HELB: variants seen among roughly 807,000 people sequenced by gnomAD.
The protein encoded by HELB is DNA helicase B.
In HELB, 96 loss-of-function variants were observed where a neutral mutation model predicts 101.7. The observed-to-expected ratio is 0.94, with a 90% CI of 0.80 to 1.12. The LOEUF is 1.12. Ranked by LOEUF, HELB falls within the 50% of genes most tolerant of loss-of-function variation. The probability of loss-of-function intolerance (pLI) is 0.00; values close to 1 mark genes in which losing one functional copy is unlikely to be tolerated. For synonymous variants in HELB, 437 were observed against 459.7 expected, an observed-to-expected ratio of 0.95 and a Z score of 0.63; for missense variants, 1,210 against 1,291.9, an observed-to-expected ratio of 0.94 and a Z score of 0.97.
rs769492316 is a variant in HELB at position 66,310,590 on chromosome 12, TG to T, written c.1663del (p.Ala555ProfsTer18). 1.9e-5 allele frequency: 30 copies of T among 1,612,908 alleles called. 1 individual carries two copies. The South Asian group carries it at 3.0e-4, about 16-fold the overall frequency. On this transcript the variant is annotated frameshift_variant, in exon 4 of 13. Coordinates refer to ENST00000247815, the MANE Select transcript of HELB (RefSeq NM_001370285.1). LOFTEE classifies it high-confidence loss of function. ...TACTAAGACAGAAAACTGGTCTTCA[TG>T]CCTACACACTGTGTCAGGTAAAACC... ...GLLRQKTGLH[A>X]YTLCQVNYSF...
At chr12:66,335,576 A>G (rs2053858148) in intron 12 of HELB, among the ~76,000 whole-genome samples, 1 of 152,212 alleles carries the variant, frequency 6.6e-6, no homozygotes, top group Admixed American at 6.5e-5. Flanking sequence ...GGAAAACTTT[A>G]TTGGTTTGTT....
At chr12:66,343,267 A>G (rs2053930560) in intron 13 of HELB, 1 of 152,120 alleles carries the variant, frequency 6.6e-6, no homozygotes, top group Admixed American at 6.5e-5. Flanking sequence ...TGACTCATGA[A>G]CACAGATGTC....
At chr12:66,335,932 T>C (rs1021933736) in intron 12 of HELB, among the ~76,000 whole-genome samples, 3 of 152,214 alleles carry the variant, frequency 2.0e-5, no homozygotes, top group Non-Finnish European at 2.9e-5. Context: ...TCTTTTTCTC[T>C]GAACTCCTGT....
intron 2 of HELB, 61 bp from the exon 3 acceptor site, chr12:66,306,284 C>A: frequency 7.8e-7 from 1 of 1,288,242 alleles, no homozygotes; most frequent in Non-Finnish European, 1.0e-6. Flanking sequence ...GAAAGTACTT[C>A]AAATCAGTCA....
Position 66,314,079 on chromosome 12 carries a change from G to T in HELB, c.1774G>T (p.Gly592Trp), listed in dbSNP as rs959307082. 2 of 1,613,822 alleles carry T rather than the reference G, an allele frequency of 1.2e-6. No homozygotes were observed. Among genetic ancestry groups the T allele is most frequent in the East Asian group, 4.5e-5 (2 of 44,862 alleles). The change falls in exon 5 of 13, where the codon GGG becomes TGG. Residue 592 changes from glycine to tryptophan, a missense_variant. This residue lies in a region of HELB where 740 missense variants were observed against 728.8 expected (regional missense o/e 1.02). Transcript: ENST00000247815. Reference sequence around the variant, plus strand: ...GGTTAGAGTTCTGGTTGTGGATGAAGGGAGTTTGGTATCTGTAGGAATCTT... The same window carrying T: ...GGTTAGAGTTCTGGTTGTGGATGAATGGAGTTTGGTATCTGTAGGAATCTT... Reference protein sequence around the residue: ...SSVRVLVVDEGSLVSVGIFKS... With the variant: ...SSVRVLVVDEWSLVSVGIFKS...
At position 66,331,151 on chromosome 12, in the gene HELB, C is replaced by T; in HGVS notation, c.2671-3C>T. 6.3e-7 allele frequency: 1 copy of T among 1,591,234 alleles called. No homozygotes were observed. The highest frequency in any genetic ancestry group is 1.1e-5 in the South Asian group (1 of 88,622). On this transcript the variant is annotated splice_region_variant and splice_polypyrimidine_tract_variant and intron_variant, in intron 11 of 12. Transcript: ENST00000247815. ...AGTCTTCACACCATATTTTTCCTGCCAGGGGTCCGAGGAGCAAACAGTTGT... is the reference window on the plus strand; with the variant it reads ...AGTCTTCACACCATATTTTTCCTGCTAGGGGTCCGAGGAGCAAACAGTTGT...
downstream of HELB, chr12:66,338,792 A>G (rs949393814): frequency 1.3e-5 from 2 of 152,262 alleles, no homozygotes; most frequent in African/African-American, 2.4e-5. Flanking sequence ...GAAAAGGTGT[A>G]ATTACATCTG....
downstream of HELB, chr12:66,341,017 GC>G (rs1190800814): frequency 6.5e-6 from 1 of 154,054 alleles, no homozygotes; most frequent in African/African-American, 2.4e-5. Context: ...GAGAGAATTG[GC>G]TCACACGATT....
chr12:66,318,554 T>C, intron 6 of HELB, 84 bp from the exon 7 acceptor site: 2 of 1,241,272 alleles, frequency 1.6e-6, no homozygotes, highest in Non-Finnish European at 2.2e-6. Context: ...ATACTAATTA[T>C]TATAAGGACA....
At chr12:66,326,420 C>G (rs2053738180) in intron 11 of HELB, among the ~76,000 whole-genome samples, 1 of 151,746 alleles carries the variant, frequency 6.6e-6, no homozygotes, top group African/African-American at 2.4e-5. Context: ...TTTCTGTATT[C>G]TTAGTAGAGA....
intron 9 of HELB, among the ~76,000 whole-genome samples, 182 bp from the exon 10 acceptor site, chr12:66,323,797 TATAA>T (rs1202556622): frequency 4.6e-5 from 7 of 152,224 alleles, no homozygotes; most frequent in Non-Finnish European, 1.0e-4. Flanking sequence ...AGGGAGTATG[TATAA>T]ATAATCAGAT....
chr12:66,336,083 A>T (rs1242888414), intron 12 of HELB, among the ~76,000 whole-genome samples: 1 of 152,206 alleles, frequency 6.6e-6, no homozygotes, highest in East Asian at 1.9e-4. Flanking sequence ...ATACCTCAAA[A>T]ATACTTAGTG....
chr12:66,313,759 C>T (rs937881240), intron 4 of HELB, among the ~76,000 whole-genome samples: 1 of 152,010 alleles, frequency 6.6e-6, no homozygotes, highest in Non-Finnish European at 1.5e-5. Flanking sequence ...TGTTTAAGAA[C>T]GATGAGGGAA....
rs754997992 is a variant in HELB at position 66,331,281 on chromosome 12, G to A, written c.2798G>A (p.Arg933Gln). The A allele has an allele frequency of 3.7e-6, 6 of 1,614,072 alleles. No homozygotes were observed. Among genetic ancestry groups the A allele is most frequent in the Middle Eastern group, 3.3e-4 (2 of 6,084 alleles). ...VYVIAEESQL[R>Q]NAIMKNSFPR... ...GTGATTGCAGAGGAGTCTCAGCTCC[G>A]GAATGCCATTATGAAAAACAGTTTT... The change falls in exon 12 of 13, where the codon CGG becomes CAG. Residue 933 changes from arginine to glutamine, a missense_variant. By Grantham distance (43) the Arg-to-Gln change is conservative (BLOSUM62 1). Around this residue, in one of 2 missense-constraint regions of HELB, gnomAD observed 740 missense variants for 728.8 expected, o/e 1.02. Coordinates refer to ENST00000247815, the MANE Select transcript of HELB (RefSeq NM_001370285.1).
At chr12:66,322,690 A>T in intron 8 of HELB, 34 bp from the exon 9 acceptor site, 1 of 1,527,196 alleles carries the variant, frequency 6.5e-7, no homozygotes, top group Middle Eastern at 1.7e-4. Context: ...AGCAGAGACC[A>T]TTAAGGTGAC....
At chr12:66,334,768 G>T (rs945189128) in intron 12 of HELB, among the ~76,000 whole-genome samples, 1 of 149,956 alleles carries the variant, frequency 6.7e-6, no homozygotes, top group Admixed American at 6.7e-5. Context: ...GACAGAATGA[G>T]ACCCTGTCTC....
In HELB at chr12:66,335,535, G is replaced by T. The variant is rs78737540; in HGVS notation, c.3163-2466G>T. 3.7e-3 allele frequency among the ~76,000 whole-genome samples: 570 copies of T among 152,188 alleles called. 5 individuals are homozygous for T. Among genetic ancestry groups the T allele is most frequent in the African/African-American group, 0.012 (502 of 41,522 alleles). ...GGCTGCTGAAAAAAGAAGGAAAGGT[G>T]GTTGTATCTGAATAGAGGACTTGTG... On this transcript the variant is annotated intron_variant, in intron 12 of 12. Transcript: ENST00000247815.
chr12:66,310,605 TC>T lies in HELB; in HGVS notation c.1678del (p.Gln560ArgfsTer13), dbSNP rs765093964. 3.0e-5 allele frequency: 49 copies of T among 1,607,852 alleles called. No individual in the cohort carries two copies. The highest frequency in any genetic ancestry group is 3.7e-5 in the Non-Finnish European group (44 of 1,177,994). ...KTGLHAYTLC[Q>X]VNYSFYSWTQ... ...CTGGTCTTCATGCCTACACACTGTG[TC>T]AGGTAAAACCTTTGACATTTCATCT... On this transcript the variant is annotated frameshift_variant and splice_region_variant, in exon 4 of 13. Transcript: ENST00000247815. LOFTEE classifies it high-confidence loss of function.
rs774903468 is a variant in HELB at position 66,304,711 on chromosome 12, TTTTG to T, written c.188-12_188-9del. The T allele has an allele frequency of 2.6e-6, 4 of 1,566,430 alleles. No individual in the cohort carries two copies. The highest frequency in any genetic ancestry group is 1.4e-5 in the African/African-American group (1 of 71,746). ...ATCTCCAGAGTTAACTTTTGTGGGT[TTTTG>T]TTTGTTTTTTTTTAGTTTCTATTTG... is the stretch of plus-strand genomic sequence containing the variant. On this transcript the variant is annotated splice_polypyrimidine_tract_variant and intron_variant, in intron 1 of 12. Coordinates refer to ENST00000247815, the MANE Select transcript of HELB (RefSeq NM_001370285.1).
Sources: allele counts gnomAD v4.1 joint callset (sites outside exome capture counted in the v4.1 genomes callset), GRCh38; gene constraint gnomAD v4.1.1; regional missense constraint gnomAD v4.1.1; transcripts MANE v1.5; gene names NCBI Gene and HGNC (gene_info 2026-07-23, HGNC 2026-07-21).